The following RLF variants were observed in gnomAD, a reference collection of about 807,000 sequenced individuals.
RLF encodes the protein RLF zinc finger, also known as zinc finger protein Rlf.
In RLF, 7 loss-of-function variants were observed where a neutral mutation model predicts 162.9. That is an observed-to-expected ratio of 0.04 (90% CI 0.02 to 0.08). The LOEUF (loss-of-function observed/expected upper bound fraction) is 0.08. Among genes scored for constraint, RLF ranks in the 10% least tolerant of loss-of-function variants. The pLI is 1.00. For missense variants in RLF, 1,664 were observed against 2,244.7 expected, an observed-to-expected ratio of 0.74 and a Z score of 5.23; for synonymous variants, 782 against 791.5, an observed-to-expected ratio of 0.99 and a Z score of 0.20.
chr1:40,183,031 C>T (rs1642428030), intron 1 of RLF, among the ~76,000 whole-genome samples: 1 of 152,064 alleles, frequency 6.6e-6, no homozygotes, highest in South Asian at 2.1e-4. Context: ...CTCATGCTGA[C>T]ATTTAAGTCT....
rs563496325 is a variant in RLF at position 40,223,334 on chromosome 1, A to G, written c.947+624A>G. ...ACCTGATACACAGGAAACCTCTAAA[A>G]TGTAAGACTCTCTGTCAGTAAGTAT... On this transcript the variant is annotated intron_variant, in intron 6 of 7. Coordinates refer to ENST00000372771, the MANE Select transcript of RLF (RefSeq NM_012421.4). Among the ~76,000 whole-genome samples, 3 of 152,314 alleles carry G rather than the reference A, an allele frequency of 2.0e-5. No individual in the cohort carries two copies. The South Asian group carries it at 6.2e-4, about 32-fold the overall frequency.
chr1:40,221,899 C>CAAAAAAAAAAAAAAAAAAAAAAA (rs895455745), intron 5 of RLF, among the ~76,000 whole-genome samples: 30 of 65,030 alleles, frequency 4.6e-4, no homozygotes, highest in Non-Finnish European at 7.3e-4. Flanking sequence ...GACTCCGTCT[C>CAAAAAAAAAAAAAAAAAAAAAAA]AAAAAAAAAA....
intron 5 of RLF, among the ~76,000 whole-genome samples, chr1:40,220,869 T>C (rs576719752): frequency 6.6e-6 from 1 of 150,436 alleles, no homozygotes; most frequent in South Asian, 2.1e-4. Context: ...CTCACAACTA[T>C]AATCCCAACA....
intron 5 of RLF, among the ~76,000 whole-genome samples, chr1:40,211,691 G>A (rs1642866976): frequency 6.6e-6 from 1 of 151,638 alleles, no homozygotes; most frequent in South Asian, 2.1e-4. Context: ...GCGTGATATC[G>A]GCTCACTGCA....
In RLF at chr1:40,224,600, T is replaced by TC. The variant is rs199628172; in HGVS notation, c.947+1894dup. On this transcript the variant is annotated intron_variant, in intron 6 of 7. Transcript: ENST00000372771. ...CATCTTTTTTTTTTTTTTTTTTTTT[T>TC]CCCCTTCCATTGTTTTTGAAAGCTT... is the stretch of plus-strand genomic sequence containing the variant. Among the ~76,000 whole-genome samples, 523 of 93,654 alleles carry TC rather than the reference T, an allele frequency of 5.6e-3. 16 individuals carry two copies. The highest frequency in any genetic ancestry group is 0.019 in the African/African-American group (460 of 24,296). The allele number at this position is 93,654 out of a possible 152,430, so 61.4% of individuals were successfully genotyped here.
At chr1:40,184,094 A>AT (rs993653235) in intron 1 of RLF, among the ~76,000 whole-genome samples, 23 of 152,034 alleles carry the variant, frequency 1.5e-4, no homozygotes, top group African/African-American at 3.4e-4. Flanking sequence ...GTGAGGGGAG[A>AT]TTTTTTTTGC....
At chr1:40,195,861 T>TAGTCTTA in intron 4 of RLF, 97 bp downstream of exon 4, 1 of 1,065,172 alleles carries the variant, frequency 9.4e-7, no homozygotes, top group African/African-American at 1.6e-5. Flanking sequence ...TGTATATATC[T>TAGTCTTA]AGTCTTTCTG....
At chr1:40,223,949 C>T (rs777217588) in intron 6 of RLF, among the ~76,000 whole-genome samples, 1 of 152,232 alleles carries the variant, frequency 6.6e-6, no homozygotes, top group Non-Finnish European at 1.5e-5. Context: ...CAGAGTTATA[C>T]CTCCTGTGAG....
intron 6 of RLF, among the ~76,000 whole-genome samples, chr1:40,227,827 A>AC (rs1643097626): frequency 6.6e-6 from 1 of 152,034 alleles, no homozygotes; most frequent in Non-Finnish European, 1.5e-5. Context: ...AGATGCTGAA[A>AC]CCCCGTCTCC....
Position 40,232,218 on chromosome 1 carries a change from A to T in RLF, c.1089+560A>T, listed in dbSNP as rs1221179750. Among the ~76,000 whole-genome samples, 97 of 148,212 alleles carry T rather than the reference A, an allele frequency of 6.5e-4. 1 individual carries two copies. The highest frequency in any genetic ancestry group is 1.9e-3 in the African/African-American group (79 of 40,668). On this transcript the variant is annotated intron_variant, in intron 7 of 7. Coordinates refer to ENST00000372771, the MANE Select transcript of RLF (RefSeq NM_012421.4). ...GTGAGACTTGGTCTTTTTTTTTTTAAAAAAAAAAAAAAGAACATTTCAAGG... is the reference window on the plus strand; with the variant it reads ...GTGAGACTTGGTCTTTTTTTTTTTATAAAAAAAAAAAAGAACATTTCAAGG...
At chr1:40,230,530 C>T (rs568611097) in intron 6 of RLF, among the ~76,000 whole-genome samples, 1 of 152,206 alleles carries the variant, frequency 6.6e-6, no homozygotes, top group South Asian at 2.1e-4. Flanking sequence ...CTCCCAGGTT[C>T]AAGCGATTCT....
chr1:40,171,320 C>G (rs1430670007), intron 1 of RLF, among the ~76,000 whole-genome samples: 6 of 152,196 alleles, frequency 3.9e-5, no homozygotes, highest in Admixed American at 3.3e-4. Context: ...TGAGCCACCA[C>G]TCCCAGCCTG....
rs149718059 is a variant in RLF, at chr1:40,180,701, A to G, written c.238-8354A>G. Among the ~76,000 whole-genome samples, 23 of 152,226 alleles carry G rather than the reference A, an allele frequency of 1.5e-4. 1 individual carries two copies. The East Asian group carries it at 4.4e-3, about 29-fold the overall frequency. Reference sequence around the variant, plus strand: ...CCATTTGTATGTCTTCCTTGGAGAAATGTCTTTTCAAGTCTTCTGCCCAAT... The same window carrying G: ...CCATTTGTATGTCTTCCTTGGAGAAGTGTCTTTTCAAGTCTTCTGCCCAAT... On this transcript the variant is annotated intron_variant, in intron 1 of 7. Coordinates refer to ENST00000372771, the MANE Select transcript of RLF (RefSeq NM_012421.4).
In RLF at chr1:40,237,676, G is replaced by C; in HGVS notation, c.2974G>C (p.Asp992His). 1 of 1,614,124 alleles carries C rather than the reference G, an allele frequency of 6.2e-7. No homozygotes were observed. Among genetic ancestry groups the C allele is most frequent in the Non-Finnish European group, 8.5e-7 (1 of 1,179,988 alleles). ...CAAGCCCAAAAAGATAAAGACGAAA[G>C]ATCTGTTTCCCTCTTTGGGTAATGA... ...HFKPKKIKTK[D>H]LFPSLGNEHN... The change falls in exon 8 of 8, where the codon GAT becomes CAT. Residue 992 changes from aspartate to histidine, a missense_variant. Transcript: ENST00000372771. The surrounding 1 kb of genome is among the most constrained non-coding windows in gnomAD (Gnocchi z 4.4).
intron 5 of RLF, among the ~76,000 whole-genome samples, chr1:40,205,485 CTT>C (rs36038824): frequency 0.056 from 6,031 of 106,748 alleles, 88 homozygotes; most frequent in South Asian, 0.11. Context: ...TTCCTTCCTT[CTT>C]TTTTTTTTTT....
intron 7 of RLF, among the ~76,000 whole-genome samples, chr1:40,234,849 G>T (rs556857190): frequency 6.6e-6 from 1 of 152,230 alleles, no homozygotes; most frequent in Admixed American, 6.5e-5. Flanking sequence ...TATCACATAT[G>T]ACCAGGTCTT....
intron 6 of RLF, among the ~76,000 whole-genome samples, chr1:40,230,567 G>C (rs908647628): frequency 6.6e-6 from 1 of 151,994 alleles, no homozygotes; most frequent in Admixed American, 6.6e-5. Flanking sequence ...CAAGTAGCTG[G>C]GATTACAGGC....
chr1:40,235,312 C>T (rs1643203493), intron 7 of RLF, among the ~76,000 whole-genome samples: 1 of 152,104 alleles, frequency 6.6e-6, no homozygotes, highest in South Asian at 2.1e-4. Flanking sequence ...CTCGGCCTCC[C>T]AAAGTGCTGG....
In RLF at chr1:40,240,684, A is replaced by G. The variant is rs1243522632; in HGVS notation, c.*237A>G. ...GTTTATTAAAAAAATGGAACTGTAC[A>G]CTTGTTTGGTGCTAATTAATACATC... On this transcript the variant is annotated 3_prime_UTR_variant, in exon 8 of 8. Transcript: ENST00000372771. The G allele has an allele frequency of 2.2e-6, 1 of 456,164 alleles. No homozygotes were observed. 28.3% of individuals were successfully genotyped at this position (456,164 alleles called of 1,614,324 possible).
Sources: allele counts gnomAD v4.1 joint callset (sites outside exome capture counted in the v4.1 genomes callset), GRCh38; gene constraint gnomAD v4.1.1; non-coding constraint Gnocchi (gnomAD v3.1); transcripts MANE v1.5; gene names NCBI Gene and HGNC (gene_info 2026-07-23, HGNC 2026-07-21).